The following CELF2 variants were observed in gnomAD, a reference collection of about 807,000 sequenced individuals.
CELF2 encodes the protein CUGBP Elav-like family member 2.
Under a neutral mutation model 62.6 loss-of-function variants are expected in CELF2, and 8 were observed. The ratio of observed to expected loss-of-function variants is 0.13; its 90% CI spans 0.07 to 0.23. The LOEUF is 0.23. Among genes scored for constraint, CELF2 ranks in the 10% least tolerant of loss-of-function variants. The pLI, the probability that CELF2 is intolerant of heterozygous loss-of-function variation, is 1.00. For missense variants in CELF2, 333 were observed against 671.0 expected, an observed-to-expected ratio of 0.50 and a Z score of 5.56; for synonymous variants, 258 against 250.0, an observed-to-expected ratio of 1.03 and a Z score of -0.30.
chr10:10,874,951 T>C lies in CELF2; in HGVS notation c.54-45013T>C, dbSNP rs532594755. On this transcript the variant is annotated intron_variant, in intron 1 of 13. Transcript: ENST00000636488. ...AAGAATCTCTAGAAATAAATATAAA[T>C]GTAAACTAGATTTCATTAAAATTGA... 7.2e-5 allele frequency among the ~76,000 whole-genome samples: 11 copies of C among 152,310 alleles called. No individual in the cohort carries two copies. In the South Asian group the frequency reaches 2.1e-3, roughly 29 times the overall value.
the CELF2 span, among the ~76,000 whole-genome samples, chr10:10,753,610 T>C: frequency 6.6e-6 from 1 of 152,212 alleles, no homozygotes; most frequent in Non-Finnish European, 1.5e-5. Flanking sequence ...AGCTTTCTTC[T>C]TGGACAACTT....
chr10:10,740,122 CGTTT>C, the CELF2 span, among the ~76,000 whole-genome samples: 2 of 122,202 alleles, frequency 1.6e-5, no homozygotes, highest in South Asian at 2.6e-4. Context: ...TTTAGTTTAA[CGTTT>C]GTTTATTTTT....
chr10:10,589,043 C>T, the CELF2 span, among the ~76,000 whole-genome samples: 2 of 152,050 alleles, frequency 1.3e-5, no homozygotes, highest in Non-Finnish European at 1.5e-5. Context: ...TGACATGTGC[C>T]CAAGGTGCTC....
chr10:11,290,212 G>C lies in CELF2; in HGVS notation c.976+1660G>C, dbSNP rs2092292494. 6.6e-6 allele frequency among the ~76,000 whole-genome samples: 1 copy of C among 152,210 alleles called. No individual in the cohort carries two copies. The highest frequency in any genetic ancestry group is 1.5e-5 in the Non-Finnish European group (1 of 68,036). ...AGTCCTTCAGGGACTTGGACAAGAA[G>C]CAAAGCAATGAGTGTCAGATCTGTG... On this transcript the variant is annotated intron_variant, in intron 9 of 12. Coordinates refer to ENST00000633077, the MANE Select transcript of CELF2 (RefSeq NM_001326342.2). The surrounding 1 kb of genome is among the most constrained non-coding windows in gnomAD (Gnocchi z 4.3).
chr10:10,736,394 TTC>T, the CELF2 span, among the ~76,000 whole-genome samples: 621 of 83,870 alleles, frequency 7.4e-3, 8 homozygotes, highest in African/African-American at 0.027. Context: ...CTTTCTTTCT[TTC>T]TTTTTTTTTT....
chr10:10,851,602 CATCAGACA>C (rs1564717447), intron 1 of CELF2, among the ~76,000 whole-genome samples: 1 of 152,040 alleles, frequency 6.6e-6, no homozygotes, highest in African/African-American at 2.4e-5. Flanking sequence ...TGAAACAAAA[CATCAGACA>C]AAAAAATGTG....
At chr10:11,168,570 C>T (rs928174427) in intron 2 of CELF2, among the ~76,000 whole-genome samples, 4 of 152,166 alleles carry the variant, frequency 2.6e-5, no homozygotes, top group Admixed American at 6.5e-5. Context: ...ATCATGTTTT[C>T]ACAGGGCTGA....
At chr10:10,965,005 C>T (rs2049968981) in intron 2 of CELF2, among the ~76,000 whole-genome samples, 1 of 152,164 alleles carries the variant, frequency 6.6e-6, no homozygotes, top group Non-Finnish European at 1.5e-5. Context: ...CAGTCATTGT[C>T]TCTGATGATA....
chr10:11,008,985 G>A lies in CELF2; in HGVS notation c.53+3545G>A, dbSNP rs1489574286. Among the ~76,000 whole-genome samples the A allele has an allele frequency of 1.1e-5, 1 of 93,712 alleles. No homozygotes were observed. Among genetic ancestry groups the A allele is most frequent in the Non-Finnish European group, 1.9e-5 (1 of 52,052 alleles). 61.5% of individuals were successfully genotyped at this position (93,712 alleles called of 152,430 possible). On this transcript the variant is annotated intron_variant, in intron 1 of 12. Coordinates refer to the CELF2 transcript ENST00000416382. The surrounding 1 kb of genome is among the most constrained non-coding windows in gnomAD (Gnocchi z 4.5). ...TTCACTGAATTTCTTTGCATATTTT[G>A]ATAATTCCTGGGGAATTTGCGGGGG...
chr10:10,971,741 C>T (rs974933823), intron 2 of CELF2, among the ~76,000 whole-genome samples: 5 of 152,094 alleles, frequency 3.3e-5, no homozygotes, highest in African/African-American at 1.2e-4. Context: ...CACCCACTAC[C>T]GTGCCTGGCT....
intron 1 of CELF2, among the ~76,000 whole-genome samples, chr10:11,040,044 GA>G (rs2139410583): frequency 6.6e-6 from 1 of 152,248 alleles, no homozygotes; most frequent in Admixed American, 6.5e-5. Flanking sequence ...TGTCTCGTAG[GA>G]AAATAGTAAA....
chr10:10,883,079 T>C (rs2061535330), intron 1 of CELF2, among the ~76,000 whole-genome samples: 1 of 152,204 alleles, frequency 6.6e-6, no homozygotes, highest in African/African-American at 2.4e-5. Flanking sequence ...ACTTTCATTG[T>C]TATTGTATTT....
chr10:10,882,547 A>G (rs1564763592), intron 1 of CELF2, among the ~76,000 whole-genome samples: 1 of 152,180 alleles, frequency 6.6e-6, no homozygotes, highest in Non-Finnish European at 1.5e-5. Context: ...TCATTTAATT[A>G]TTGGAAAATC....
At chr10:10,726,512 G>A in the CELF2 span, among the ~76,000 whole-genome samples, 5 of 152,216 alleles carry the variant, frequency 3.3e-5, no homozygotes, top group African/African-American at 9.6e-5. Context: ...GTACCTCACC[G>A]ACCTGCCTTT....
the CELF2 span, among the ~76,000 whole-genome samples, chr10:10,606,665 G>A: frequency 7.2e-5 from 11 of 152,196 alleles, no homozygotes; most frequent in East Asian, 1.9e-3. Flanking sequence ...AGATTTTTGC[G>A]AAACATATTA....
intron 1 of CELF2, among the ~76,000 whole-genome samples, chr10:11,113,631 G>A (rs984361962): frequency 3.3e-5 from 5 of 152,204 alleles, no homozygotes; most frequent in African/African-American, 1.2e-4. Flanking sequence ...TGTATCAGAA[G>A]CAAGTATTCC....
At chr10:11,052,460 C>T (rs2064141028) in intron 1 of CELF2, among the ~76,000 whole-genome samples, 1 of 152,158 alleles carries the variant, frequency 6.6e-6, no homozygotes, top group Non-Finnish European at 1.5e-5. Flanking sequence ...GGCTCAGATG[C>T]TGATGCTTGT....
the CELF2 span, among the ~76,000 whole-genome samples, chr10:10,763,353 T>C: frequency 4.6e-5 from 7 of 152,108 alleles, no homozygotes; most frequent in Admixed American, 3.9e-4. Flanking sequence ...TGTGATGTGG[T>C]CTGTGACATA....
chr10:10,541,394 C>T, the CELF2 span, among the ~76,000 whole-genome samples: 1 of 152,110 alleles, frequency 6.6e-6, no homozygotes, highest in South Asian at 2.1e-4. Flanking sequence ...AATCCCTAGA[C>T]TAATGTGAAA....
Sources: gnomAD v4.1 joint callset for allele counts (sites outside exome capture counted in the v4.1 genomes callset) on GRCh38, gnomAD v4.1.1 for gene constraint, Gnocchi (gnomAD v3.1) non-coding constraint, MANE v1.5 for transcripts, NCBI Gene and HGNC (gene_info 2026-07-23, HGNC 2026-07-21) for gene names.